The following WWC1 variants were observed in gnomAD, a reference collection of about 807,000 sequenced individuals.
WWC1 encodes protein KIBRA.
In WWC1, 55 loss-of-function variants were observed where a neutral mutation model predicts 138.4. That is an observed-to-expected ratio of 0.40 (90% confidence interval 0.32 to 0.50). WWC1 has a LOEUF of 0.50. WWC1 is among the 20% of genes least tolerant of loss of function. WWC1 has a pLI of 0.72. For synonymous variants in WWC1, 524 were observed against 564.9 expected (o/e 0.93, Z 1.03); for missense variants, 1,226 against 1,420.4 (o/e 0.86, Z 2.20).
intron 3 of WWC1, among the ~76,000 whole-genome samples, chr5:168,386,462 T>G (rs1257279812): frequency 1.3e-5 from 2 of 150,950 alleles, no homozygotes; most frequent in African/African-American, 4.9e-5. Context: ...GCGCGATCTC[T>G]GCTCGCTGCA....
chr5:168,441,866 C>T, intron 16 of WWC1, 32 bp downstream of exon 16: 1 of 1,603,176 alleles, frequency 6.2e-7, no homozygotes, highest in Non-Finnish European at 8.5e-7. Flanking sequence ...CACCTTCCCA[C>T]AAGGCCGCAC....
In WWC1 at chr5:168,454,048, A is replaced by G. The variant is rs1161640166; in HGVS notation, c.2606A>G (p.Asp869Gly). ...EEVEEEEGEEDVFTEKASPDM... is the reference protein window; with the variant it reads ...EEVEEEEGEEGVFTEKASPDM... ...GTGGAGGAGGAGGAGGGAGAAGAGG[A>G]TGTTTTCACCGAGAAAGCCTCACCT... The change falls in exon 18 of 23, where the codon GAT becomes GGT. Residue 869 changes from aspartate to glycine, a missense_variant. This residue lies in a region of WWC1 where 1,016 missense variants were observed against 1,153.9 expected (regional missense o/e 0.88). Transcript: ENST00000265293. 1.9e-6 allele frequency: 3 copies of G among 1,612,910 alleles called. No individual in the cohort carries two copies. Among genetic ancestry groups the G allele is most frequent in the Non-Finnish European group, 1.7e-6 (2 of 1,179,852 alleles).
At chr5:168,363,949 G>T (rs987155228) in intron 1 of WWC1, among the ~76,000 whole-genome samples, 35 of 152,260 alleles carry the variant, frequency 2.3e-4, no homozygotes, top group Admixed American at 2.0e-3. Flanking sequence ...TGATGGTGGT[G>T]ATGATAGCTC....
At chr5:168,402,907 T>C (rs1341023412) in intron 5 of WWC1, among the ~76,000 whole-genome samples, 3 of 152,194 alleles carry the variant, frequency 2.0e-5, no homozygotes, top group South Asian at 4.1e-4. Context: ...TGGAGAAAGG[T>C]ACAACTTATC....
At chr5:168,297,905 G>A (rs1197163240) in intron 1 of WWC1, among the ~76,000 whole-genome samples, 1 of 152,126 alleles carries the variant, frequency 6.6e-6, no homozygotes, top group African/African-American at 2.4e-5. Context: ...TGTGAGTTGT[G>A]TCATAGGAAT....
At chr5:168,410,045 T>A in intron 8 of WWC1, 50 bp downstream of exon 8, 2 of 1,549,744 alleles carry the variant, frequency 1.3e-6, no homozygotes, top group Non-Finnish European at 1.8e-6. Flanking sequence ...TAATAACTAC[T>A]ATTGTAGAAT....
In WWC1 at chr5:168,461,094, C is replaced by T. The variant is rs1034374267; in HGVS notation, c.2916+352C>T. On this transcript the variant is annotated intron_variant, in intron 20 of 22. Coordinates refer to ENST00000265293, the MANE Select transcript of WWC1 (RefSeq NM_015238.3). Reference sequence around the variant, plus strand: ...CTGTAATCCCAGCACTCTGGGAGGCCGAGGTAGGAGGATCACCTGAGGTCT... The same window carrying T: ...CTGTAATCCCAGCACTCTGGGAGGCTGAGGTAGGAGGATCACCTGAGGTCT... 4.6e-5 allele frequency among the ~76,000 whole-genome samples: 7 copies of T among 152,228 alleles called. No homozygotes were observed. The East Asian group carries it at 1.2e-3, about 25-fold the overall frequency.
At chr5:168,372,994 G>T (rs1776872601) in intron 2 of WWC1, among the ~76,000 whole-genome samples, 1 of 152,236 alleles carries the variant, frequency 6.6e-6, no homozygotes. Context: ...GTGTAGAAGA[G>T]CTTCTGAGAG....
intron 3 of WWC1, among the ~76,000 whole-genome samples, chr5:168,391,819 G>C (rs1487727456): frequency 2.2e-5 from 3 of 137,098 alleles, no homozygotes; most frequent in African/African-American, 8.2e-5. Context: ...GGAGAAGAAA[G>C]AACAGCAATA....
At chr5:168,387,889 T>A (rs1316391910) in intron 3 of WWC1, among the ~76,000 whole-genome samples, 1 of 151,338 alleles carries the variant, frequency 6.6e-6, no homozygotes, top group Non-Finnish European at 1.5e-5. Context: ...GAACCTCAGG[T>A]TTAAAGGGGC....
intron 1 of WWC1, among the ~76,000 whole-genome samples, chr5:168,329,745 G>A (rs893774490): frequency 6.6e-6 from 1 of 152,164 alleles, no homozygotes; most frequent in Non-Finnish European, 1.5e-5. Flanking sequence ...GAAGGAATGA[G>A]CAAAACAATA....
At chr5:168,301,638 CAAA>C (rs778792626) in intron 1 of WWC1, among the ~76,000 whole-genome samples, 3,029 of 99,836 alleles carry the variant, frequency 0.03, 101 homozygotes, top group African/African-American at 0.1. Flanking sequence ...AACTTCGTCT[CAAA>C]AAAAAAAAAA....
chr5:168,385,484 A>G, intron 3 of WWC1, 70 bp downstream of exon 3: 1 of 1,505,554 alleles, frequency 6.6e-7, no homozygotes, highest in Non-Finnish European at 9.0e-7. Flanking sequence ...TTCTGCCAAT[A>G]TTGCTTCTCA....
intron 8 of WWC1, among the ~76,000 whole-genome samples, chr5:168,413,332 T>G (rs1028719325): frequency 6.6e-6 from 1 of 152,200 alleles, no homozygotes; most frequent in African/African-American, 2.4e-5. Context: ...TGTTAGCTAT[T>G]TGTAGCAGTA....
At chr5:168,312,117 C>T (rs1038077415) in intron 1 of WWC1, among the ~76,000 whole-genome samples, 1 of 151,640 alleles carries the variant, frequency 6.6e-6, no homozygotes, top group African/African-American at 2.4e-5. Flanking sequence ...ACTCAGAAGG[C>T]TGAGGCAGGA....
intron 1 of WWC1, among the ~76,000 whole-genome samples, chr5:168,311,947 G>A (rs1461454358): frequency 6.6e-6 from 1 of 152,046 alleles, no homozygotes; most frequent in Non-Finnish European, 1.5e-5. Context: ...TACTCAGAAG[G>A]CTGAAGCAGG....
At chr5:168,372,180 T>C (rs975348692) in intron 2 of WWC1, among the ~76,000 whole-genome samples, 1 of 152,134 alleles carries the variant, frequency 6.6e-6, no homozygotes. Flanking sequence ...CTAGTACCTC[T>C]GTCTCTGGGA....
chr5:168,293,137 C>A (rs1769217005), intron 1 of WWC1, among the ~76,000 whole-genome samples: 1 of 152,224 alleles, frequency 6.6e-6, no homozygotes, highest in African/African-American at 2.4e-5. Context: ...TGAGATAGCT[C>A]GGTGTGGCTC....
chr5:168,395,305 C>T (rs1404704554), intron 3 of WWC1, among the ~76,000 whole-genome samples: 6 of 152,190 alleles, frequency 3.9e-5, no homozygotes, highest in African/African-American at 1.2e-4. Context: ...AGACGTCCCC[C>T]GCTCCGCCCC....
Sources: allele counts gnomAD v4.1 joint callset (sites outside exome capture counted in the v4.1 genomes callset), GRCh38; gene constraint gnomAD v4.1.1; regional missense constraint gnomAD v4.1.1; transcripts MANE v1.5; gene names NCBI Gene and HGNC (gene_info 2026-07-23, HGNC 2026-07-21).